POLR2F: variants seen among roughly 807,000 people sequenced by gnomAD.
The protein encoded by POLR2F is DNA-directed RNA polymerases I, II, and III subunit RPABC2.
POLR2F carries 12 observed loss-of-function variants against 22.7 expected under a neutral mutation model. That is an observed-to-expected ratio of 0.53 (90% confidence interval 0.34 to 0.86). The LOEUF is 0.86. POLR2F is among the 40% of genes least tolerant of loss of function. The pLI is 0.02. For missense variants in POLR2F, 126 were observed against 171.5 expected, an observed-to-expected ratio of 0.73 and a Z score of 1.48; for synonymous variants, 57 against 66.0, an observed-to-expected ratio of 0.86 and a Z score of 0.66.
Position 37,969,022 on chromosome 22 carries a change from C to T in POLR2F, c.*1307C>T. The T allele has an allele frequency of 6.1e-6, 6 of 985,506 alleles. No homozygotes were observed. Among genetic ancestry groups the T allele is most frequent in the Non-Finnish European group, 7.2e-6 (6 of 829,974 alleles). 61.0% of individuals were successfully genotyped at this position (985,506 alleles called of 1,614,324 possible). A position where few individuals can be genotyped will look rare whatever the true frequency, so the allele number is the denominator to read the frequency against. ...CGCCTTTGTGCTGGCATCCAGGCAG[C>T]CGCCCCAGAGTGCGGGGGTCACTTT... On this transcript the variant is annotated 3_prime_UTR_variant, in exon 5 of 5. Transcript: ENST00000442738.
intron 3 of POLR2F, among the ~76,000 whole-genome samples, chr22:37,963,143 C>T (rs893877692): frequency 7.9e-5 from 12 of 151,962 alleles, no homozygotes; most frequent in Middle Eastern, 3.2e-3. Context: ...CCCGCCACCA[C>T]GCCTGGCTAA....
rs528277356 is a variant in POLR2F, at chr22:37,968,144, T to G, written c.*429T>G. On this transcript the variant is annotated 3_prime_UTR_variant, in exon 5 of 5. Transcript: ENST00000442738. ...CAGGAGTATCACAGAGCAGGTCTCA[T>G]CAAGCCACCCATTGTTTCCTAAGGA... is the stretch of plus-strand genomic sequence containing the variant. 1.0e-6 allele frequency: 1 copy of G among 986,506 alleles called. No homozygotes were observed. The highest frequency in any genetic ancestry group is 1.2e-6 in the Non-Finnish European group (1 of 830,676). 61.1% of individuals were successfully genotyped at this position (986,506 alleles called of 1,614,324 possible). A position where few individuals can be genotyped will look rare whatever the true frequency, so the allele number is the denominator to read the frequency against.
intron 3 of POLR2F, among the ~76,000 whole-genome samples, chr22:37,962,735 G>A (rs527690906): frequency 2.0e-5 from 3 of 152,060 alleles, no homozygotes; most frequent in Admixed American, 6.6e-5. Context: ...CTGTCACCCA[G>A]GCTGGAGTGC....
downstream of POLR2F, chr22:37,974,149 C>T (rs202239470): frequency 1.2e-6 from 2 of 1,610,702 alleles, no homozygotes; most frequent in Admixed American, 1.7e-5. The surrounding 1 kb of genome is among the most constrained non-coding windows in gnomAD (Gnocchi z 5.4). Flanking sequence ...TGCCCGACTG[C>T]AGCTCTGTCT....
chr22:37,979,167 A>C (rs1283946290), intron 4 of POLR2F, among the ~76,000 whole-genome samples: 2 of 152,018 alleles, frequency 1.3e-5, no homozygotes, highest in Non-Finnish European at 2.9e-5. Context: ...ATGCGGTCTC[A>C]GCTCACTGCA....
Position 38,004,511 on chromosome 22 carries a change from C to A in POLR2F, c.120+18199C>A, listed in dbSNP as rs146733459. ...TCTACTCGCTGAGTTCTCATGACTGCCAGAATGGAGCAAGAGATGGCAGGC... is the reference window on the plus strand; with the variant it reads ...TCTACTCGCTGAGTTCTCATGACTGACAGAATGGAGCAAGAGATGGCAGGC... On this transcript the variant is annotated intron_variant, in intron 1 of 2. Transcript: ENST00000333418. 3.4e-3 allele frequency among the ~76,000 whole-genome samples: 520 copies of A among 152,208 alleles called. 2 individuals are homozygous for A. Among genetic ancestry groups the A allele is most frequent in the Middle Eastern group, 0.014 (4 of 294 alleles).
At chr22:38,038,810 C>T (rs898590777) in intron 5 of POLR2F, among the ~76,000 whole-genome samples, 1 of 151,656 alleles carries the variant, frequency 6.6e-6, no homozygotes, top group Admixed American at 6.6e-5. Context: ...GCCCGCACCC[C>T]GGGGCTGCGC....
At chr22:38,026,016 C>G (rs574399568) in exon 2 of POLR2F, 2 of 552,348 alleles carry the variant, frequency 3.6e-6, no homozygotes, top group Admixed American at 1.9e-5. Context: ...CCCTCGTGCA[C>G]TTGGGTTTCA....
intron 1 of POLR2F, among the ~76,000 whole-genome samples, chr22:38,009,081 C>A (rs143020942): frequency 1.9e-4 from 29 of 152,142 alleles, no homozygotes; most frequent in African/African-American, 6.7e-4. Context: ...AAGGAACAAC[C>A]GTGCAGAGGC....
intron 1 of POLR2F, among the ~76,000 whole-genome samples, chr22:38,014,968 C>G (rs140177654): frequency 6.6e-6 from 1 of 151,790 alleles, no homozygotes; most frequent in East Asian, 1.9e-4. Context: ...CCACCACGCC[C>G]GGCTAATTTT....
chr22:38,010,465 A>G (rs1037842471), intron 1 of POLR2F, among the ~76,000 whole-genome samples: 5 of 152,026 alleles, frequency 3.3e-5, no homozygotes, highest in African/African-American at 7.2e-5. Context: ...TAGCTGTACC[A>G]TTTCACATTT....
chr22:38,006,823 A>G (rs1043551131), intron 1 of POLR2F, among the ~76,000 whole-genome samples: 9 of 152,170 alleles, frequency 5.9e-5, no homozygotes, highest in Non-Finnish European at 4.4e-5. Context: ...TCCAGCTTCC[A>G]CATCTGCATG....
At chr22:37,964,191 A>C (rs956678458) in intron 3 of POLR2F, among the ~76,000 whole-genome samples, 4 of 152,048 alleles carry the variant, frequency 2.6e-5, no homozygotes, top group African/African-American at 9.7e-5. Flanking sequence ...AGGTACCCAC[A>C]ACCCAAGGCA....
chr22:38,003,494 T>C (rs1485136393), intron 1 of POLR2F, among the ~76,000 whole-genome samples: 1 of 151,994 alleles, frequency 6.6e-6, no homozygotes, highest in Non-Finnish European at 1.5e-5. Context: ...CCCAAAGTGC[T>C]GGGATTACAG....
At chr22:37,991,092 G>A (rs1443696277) in intron 1 of POLR2F, among the ~76,000 whole-genome samples, 2 of 152,166 alleles carry the variant, frequency 1.3e-5, no homozygotes, top group Non-Finnish European at 2.9e-5. Context: ...GACCAGCCTG[G>A]ACAACATAGT....
chr22:37,954,906 C>T (rs1931310211), intron 1 of POLR2F, among the ~76,000 whole-genome samples: 1 of 151,984 alleles, frequency 6.6e-6, no homozygotes, highest in Admixed American at 6.6e-5. Context: ...GGGGGAACAC[C>T]AAGAGGGTGA....
exon 2 of POLR2F, chr22:38,025,958 C>G: frequency 1.6e-6 from 1 of 633,376 alleles, no homozygotes; most frequent in Middle Eastern, 2.7e-4. Flanking sequence ...GACTCTGAAT[C>G]TAGAAGTCAA....
At chr22:38,012,593 G>A (rs2084880214) in intron 1 of POLR2F, among the ~76,000 whole-genome samples, 1 of 152,008 alleles carries the variant, frequency 6.6e-6, no homozygotes, top group Admixed American at 6.6e-5. Context: ...TAATGTCGTT[G>A]TTGTTGTTGT....
At position 37,980,261 on chromosome 22, in the gene POLR2F, AGAG is replaced by A. The variant is rs1302018081; in HGVS notation, c.293+13095_293+13097del. The stretch of plus-strand genomic sequence containing the variant: ...GAGGGTGTGACTGGGGAGAACCCAC[AGAG>A]GAGAGAGCTGCTCCGCCAGCAGTGG... On this transcript the variant is annotated intron_variant, in intron 4 of 4. Transcript: ENST00000405557. This position sits in a 1 kb window ranked among gnomAD's most constrained non-coding sequence, Gnocchi z 4.1. Among the ~76,000 whole-genome samples the A allele has an allele frequency of 6.6e-6, 1 of 152,070 alleles. No individual in the cohort carries two copies. The highest frequency in any genetic ancestry group is 1.5e-5 in the Non-Finnish European group (1 of 67,978).
Sources: allele counts gnomAD v4.1 joint callset (sites outside exome capture counted in the v4.1 genomes callset), GRCh38; gene constraint gnomAD v4.1.1; non-coding constraint Gnocchi (gnomAD v3.1); transcripts MANE v1.5; gene names NCBI Gene and HGNC (gene_info 2026-07-23, HGNC 2026-07-21).